Variants in MYT1 observed in about 807,000 individuals in gnomAD.
The protein encoded by MYT1 is myelin transcription factor I.
A neutral mutation model predicts 123.0 loss-of-function variants in MYT1; 23 were observed. That is an observed-to-expected ratio of 0.19 (90% CI 0.13 to 0.26). The LOEUF (loss-of-function observed/expected upper bound fraction) is 0.26. MYT1 is among the 10% of genes least tolerant of loss of function. The pLI, the probability that MYT1 is intolerant of heterozygous loss-of-function variation, is 1.00. For synonymous variants in MYT1, 518 were observed against 575.3 expected, an observed-to-expected ratio of 0.90 and a Z score of 1.43; for missense variants, 1,125 against 1,472.5, an observed-to-expected ratio of 0.76 and a Z score of 3.86.
chr20:64,236,369 G>C (rs1984544090), intron 19 of MYT1, among the ~76,000 whole-genome samples, 186 bp from the exon 20 acceptor site: 1 of 149,188 alleles, frequency 6.7e-6, no homozygotes, highest in Non-Finnish European at 1.5e-5. Context: ...GCCGCGGTGG[G>C]TGACCCTGGG....
At chr20:64,227,193 G>A (rs1984191072) in intron 16 of MYT1, among the ~76,000 whole-genome samples, 1 of 152,210 alleles carries the variant, frequency 6.6e-6, no homozygotes, top group African/African-American at 2.4e-5. Flanking sequence ...CGGGGAGACG[G>A]GGGAGCAAAG....
At chr20:64,209,302 T>TGC (rs1983593759) in intron 7 of MYT1, among the ~76,000 whole-genome samples, 1 of 152,010 alleles carries the variant, frequency 6.6e-6, no homozygotes, top group Non-Finnish European at 1.5e-5. Flanking sequence ...GGGACAGGGG[T>TGC]CTGGGGAGCA....
At chr20:64,238,519 C>T (rs1172459397) in intron 21 of MYT1, among the ~76,000 whole-genome samples, 1 of 151,742 alleles carries the variant, frequency 6.6e-6, no homozygotes, top group African/African-American at 2.4e-5. Context: ...ATAAAAATAG[C>T]ATCACCCCAC....
intron 19 of MYT1, among the ~76,000 whole-genome samples, chr20:64,234,547 G>T (rs1984437413): frequency 6.6e-6 from 1 of 152,184 alleles, no homozygotes; most frequent in Non-Finnish European, 1.5e-5. Flanking sequence ...AGGTCATCTA[G>T]GTGAGGTGGA....
At chr20:64,199,762 C>T (rs1983238528) in intron 3 of MYT1, 130 bp from the exon 4 acceptor site, 4 of 1,051,982 alleles carry the variant, frequency 3.8e-6, no homozygotes, top group Non-Finnish European at 5.9e-6. Context: ...CGGCTCAGGT[C>T]TCACTGAGAT....
At chr20:64,172,205 G>A (rs1982304945) in intron 1 of MYT1, among the ~76,000 whole-genome samples, 1 of 152,122 alleles carries the variant, frequency 6.6e-6, no homozygotes, top group Non-Finnish European at 1.5e-5. Context: ...AGCCTGTAGA[G>A]CAGCAGAGGG....
At chr20:64,184,100 G>A (rs1360246300) in intron 1 of MYT1, among the ~76,000 whole-genome samples, 6 of 152,116 alleles carry the variant, frequency 3.9e-5, no homozygotes, top group African/African-American at 1.2e-4. Flanking sequence ...GATTACAGCC[G>A]TGAGCCACTG....
Position 64,227,494 on chromosome 20 carries a change from C to T in MYT1, c.2591+17C>T. ...ACACCGGAGGTGAGCCTGCCACACC[C>T]TCAGGTCCTGGGCCCCAGGGGTGGG... On this transcript the variant is annotated intron_variant, in intron 17 of 22. Transcript: ENST00000328439. The T allele has an allele frequency of 1.9e-6, 3 of 1,610,990 alleles. No homozygotes were observed. Among genetic ancestry groups the T allele is most frequent in the Non-Finnish European group, 2.5e-6 (3 of 1,178,522 alleles).
At chr20:64,214,036 A>G (rs999420549) in intron 10 of MYT1, among the ~76,000 whole-genome samples, 4 of 152,218 alleles carry the variant, frequency 2.6e-5, no homozygotes, top group Admixed American at 2.6e-4. Context: ...TGCACCAGCC[A>G]AGGACCACGG....
chr20:64,221,367 C>T (rs571715261), intron 13 of MYT1, among the ~76,000 whole-genome samples: 1 of 152,346 alleles, frequency 6.6e-6, no homozygotes, highest in East Asian at 1.9e-4. Context: ...CAGTTCGAAG[C>T]CTTTATCAAG....
Position 64,208,907 on chromosome 20 carries a change from C to T in MYT1, c.1291+420C>T, listed in dbSNP as rs1454869216. Among the ~76,000 whole-genome samples the T allele has an allele frequency of 5.3e-5, 8 of 152,088 alleles. No individual in the cohort carries two copies. Among genetic ancestry groups the T allele is most frequent in the South Asian group, 2.1e-4 (1 of 4,808 alleles). Reference sequence around the variant, plus strand: ...CCATGCTGGGTCATCCTGATCCTCTCGTGGGGTGGAGACCAGCAGGCAGAT... The same window carrying T: ...CCATGCTGGGTCATCCTGATCCTCTTGTGGGGTGGAGACCAGCAGGCAGAT... On this transcript the variant is annotated intron_variant, in intron 7 of 22. Coordinates refer to ENST00000328439, the MANE Select transcript of MYT1 (RefSeq NM_004535.3). The surrounding 1 kb of genome is among the most constrained non-coding windows in gnomAD (Gnocchi z 5.4).
chr20:64,195,057 G>A (rs907072830), intron 2 of MYT1, among the ~76,000 whole-genome samples: 21 of 151,262 alleles, frequency 1.4e-4, no homozygotes, highest in South Asian at 4.2e-4. Flanking sequence ...CACCACACCC[G>A]GCTAATTTTT....
chr20:64,238,888 G>A (rs571805551), intron 21 of MYT1, among the ~76,000 whole-genome samples: 2 of 152,312 alleles, frequency 1.3e-5, no homozygotes, highest in South Asian at 2.1e-4. Flanking sequence ...GGTGACTGGT[G>A]CCCTCTGCGG....
chr20:64,209,817 T>G (rs1983612213), intron 7 of MYT1, among the ~76,000 whole-genome samples: 1 of 152,046 alleles, frequency 6.6e-6, no homozygotes, highest in Non-Finnish European at 1.5e-5. Context: ...GGAAAGATGC[T>G]AAGGGGACAC....
chr20:64,198,981 A>G, intron 3 of MYT1, 65 bp downstream of exon 3: 1 of 1,554,800 alleles, frequency 6.4e-7, no homozygotes, highest in Admixed American at 1.7e-5. Flanking sequence ...CTTCCTCAGG[A>G]GCACAAACCC....
In MYT1 at chr20:64,219,980, G is replaced by A; in HGVS notation, c.2239G>A (p.Glu747Lys). 1 of 1,490,250 alleles carries A rather than the reference G, an allele frequency of 6.7e-7. No individual in the cohort carries two copies. The highest frequency in any genetic ancestry group is 9.0e-7 in the Non-Finnish European group (1 of 1,116,876). 92.3% of individuals were successfully genotyped at this position (1,490,250 alleles called of 1,614,324 possible). A position where few individuals can be genotyped will look rare whatever the true frequency, so the allele number is the denominator to read the frequency against. The change falls in exon 13 of 23, where the codon GAG becomes AAG. Residue 747 changes from glutamate to lysine, a missense_variant and splice_region_variant. This residue lies in a region of MYT1 where 429 missense variants were observed against 604.1 expected (regional missense o/e 0.71). Transcript: ENST00000328439. Reference protein sequence around the residue: ...PSRLREEEPEESEPAAHSFAS... With the variant: ...PSRLREEEPEKSEPAAHSFAS... The stretch of plus-strand genomic sequence containing the variant: ...CCGCCTGAGAGAGGAGGAACCTGAG[G>A]AGGTGGGTGCAGGCGCCTGGGCAAG...
At position 64,208,043 on chromosome 20, in the gene MYT1, G is replaced by A. The variant is rs924747003; in HGVS notation, c.847G>A (p.Glu283Lys). Residue 283 changes from glutamate to lysine, a missense_variant, in exon 7 of 23, where the codon GAG (glutamate) becomes AAG (lysine). By Grantham distance (56) the Glu-to-Lys change is moderately conservative. Coordinates refer to ENST00000328439, the MANE Select transcript of MYT1 (RefSeq NM_004535.3). This position sits in a 1 kb window ranked among gnomAD's most constrained non-coding sequence, Gnocchi z 5.4. ...TGAAGAAGAGGAAGAGGAAGAGGAGGAGGAAGAGGAAGAGGAGGAGGAGGA... is the reference window on the plus strand; with the variant it reads ...TGAAGAAGAGGAAGAGGAAGAGGAGAAGGAAGAGGAAGAGGAGGAGGAGGA... ...EDEEEEEEEE[E>K]EEEEEEEEEE... The A allele has an allele frequency of 2.9e-5, 46 of 1,600,484 alleles. No homozygotes were observed. Among genetic ancestry groups the A allele is most frequent in the Non-Finnish European group, 3.8e-5 (45 of 1,173,954 alleles).
At chr20:64,230,871 C>A (rs1329355909) in intron 18 of MYT1, among the ~76,000 whole-genome samples, 2 of 152,196 alleles carry the variant, frequency 1.3e-5, no homozygotes, top group Non-Finnish European at 2.9e-5. Flanking sequence ...AAAGCAGGGT[C>A]CTGGCCGAGT....
In MYT1 at chr20:64,202,591, A is replaced by G. The variant is rs561923006; in HGVS notation, c.87-2444A>G. Among the ~76,000 whole-genome samples the G allele has an allele frequency of 1.3e-5, 2 of 152,014 alleles. No homozygotes were observed. Among genetic ancestry groups the G allele is most frequent in the Middle Eastern group, 3.2e-3 (1 of 316 alleles). On this transcript the variant is annotated intron_variant, in intron 4 of 22. Coordinates refer to ENST00000328439, the MANE Select transcript of MYT1 (RefSeq NM_004535.3). The surrounding 1 kb of genome is among the most constrained non-coding windows in gnomAD (Gnocchi z 5.0). ...CAACTCCCACCCAGATGACTGCCCC[A>G]GGAGAGGGAGGGAAGGCAGGGAAGG...
Sources: gnomAD v4.1 joint callset for allele counts (sites outside exome capture counted in the v4.1 genomes callset) on GRCh38, gnomAD v4.1.1 for gene constraint, gnomAD v4.1.1 regional missense constraint, Gnocchi (gnomAD v3.1) non-coding constraint, MANE v1.5 for transcripts, NCBI Gene and HGNC (gene_info 2026-07-23, HGNC 2026-07-21) for gene names.